The following SHANK2 variants were observed in gnomAD, a reference collection of about 807,000 sequenced individuals.
SHANK2 encodes the protein SH3 and multiple ankyrin repeat domains protein 2.
In SHANK2, 43 loss-of-function variants were observed where a neutral mutation model predicts 133.7. The ratio of observed to expected loss-of-function variants is 0.32; its 90% CI spans 0.25 to 0.41. SHANK2 has a LOEUF of 0.41. Among genes scored for constraint, SHANK2 ranks in the 10% least tolerant of loss-of-function variants. SHANK2 has a pLI of 1.00. For missense variants in SHANK2, 1,994 were observed against 2,235.8 expected (o/e 0.89, Z 2.18); for synonymous variants, 1,017 against 952.8 (o/e 1.07, Z -1.24).
Position 70,804,997 on chromosome 11 carries a change from G to A in SHANK2, c.1663+2005C>T, listed in dbSNP as rs1948129245. On this transcript the variant is annotated intron_variant, in intron 13 of 25. Transcript: ENST00000601538. This position sits in a 1 kb window ranked among gnomAD's most constrained non-coding sequence, Gnocchi z 4.1. Reference sequence around the variant, plus strand: ...CTAAGGGACTGGGGACATGTGCCAAGTTCACAGCATGGGAGCCTGTCTGCA... The same window carrying A: ...CTAAGGGACTGGGGACATGTGCCAAATTCACAGCATGGGAGCCTGTCTGCA... Among the ~76,000 whole-genome samples, 1 of 152,204 alleles carries A rather than the reference G, an allele frequency of 6.6e-6. No individual in the cohort carries two copies. Among genetic ancestry groups the A allele is most frequent in the African/African-American group, 2.4e-5 (1 of 41,452 alleles).
chr11:70,671,420 G>A (rs1591731778), intron 15 of SHANK2, among the ~76,000 whole-genome samples: 1 of 152,186 alleles, frequency 6.6e-6, no homozygotes, highest in East Asian at 1.9e-4. Flanking sequence ...GACGACTACA[G>A]ATGTCAACCA....
chr11:71,109,235 T>C (rs1182666879), intron 6 of SHANK2, among the ~76,000 whole-genome samples: 1 of 152,098 alleles, frequency 6.6e-6, no homozygotes, highest in African/African-American at 2.4e-5. Flanking sequence ...ACCTAACCTC[T>C]GCCTGCCAAC....
chr11:70,724,215 T>C lies in SHANK2; in HGVS notation c.1778-25452A>G, dbSNP rs190159428. Among the ~76,000 whole-genome samples, 187 of 152,202 alleles carry C rather than the reference T, an allele frequency of 1.2e-3. 1 individual carries two copies. Among genetic ancestry groups the C allele is most frequent in the Non-Finnish European group, 2.0e-3 (134 of 67,994 alleles). On this transcript the variant is annotated intron_variant, in intron 14 of 25. Coordinates refer to ENST00000601538, the MANE Select transcript of SHANK2 (RefSeq NM_012309.5). ...CACTCCCAGCTAATTTTTGTATTTT[T>C]AGTAGAGACAGGGTTTCACCATGTT...
chr11:71,108,034 C>G (rs1555098270), intron 6 of SHANK2, among the ~76,000 whole-genome samples: 1 of 152,216 alleles, frequency 6.6e-6, no homozygotes, highest in East Asian at 1.9e-4. Flanking sequence ...GTGGCTCTGC[C>G]AGGGTGGTGA....
chr11:70,644,423 T>C (rs1555007511), intron 17 of SHANK2, among the ~76,000 whole-genome samples: 2 of 152,144 alleles, frequency 1.3e-5, no homozygotes, highest in African/African-American at 4.8e-5. Context: ...AGCGGAATCA[T>C]ACAGTTCAAA....
intron 9 of SHANK2, among the ~76,000 whole-genome samples, chr11:71,065,992 G>GGGGT (rs1951051725): frequency 6.3e-5 from 3 of 47,570 alleles, no homozygotes; most frequent in Non-Finnish European, 8.6e-5. Context: ...GTTGGGAGGG[G>GGGGT]AGTACAGAAC....
intron 11 of SHANK2, among the ~76,000 whole-genome samples, chr11:70,861,176 C>T (rs1161405225): frequency 6.6e-6 from 1 of 152,216 alleles, no homozygotes; most frequent in African/African-American, 2.4e-5. Flanking sequence ...GGTTTTAACC[C>T]TGCAGTTGGA....
chr11:70,950,764 T>G (rs1029320870), intron 10 of SHANK2, among the ~76,000 whole-genome samples: 3 of 151,850 alleles, frequency 2.0e-5, no homozygotes, highest in East Asian at 3.9e-4. Flanking sequence ...CATGCCACCA[T>G]GCCCAGCTAA....
At chr11:70,921,813 C>T (rs1055801909) in intron 10 of SHANK2, among the ~76,000 whole-genome samples, 21 of 152,200 alleles carry the variant, frequency 1.4e-4, no homozygotes, top group Non-Finnish European at 2.9e-4. Flanking sequence ...TGATAATCCT[C>T]TCTGAAAGAA....
rs182137825 is a variant in SHANK2 at position 71,245,634 on chromosome 11, G to A, written c.-113+6791C>T. ...CTTCTGCACGGTGGAGTGGGCAGCC[G>A]CCAGGTGTGGATCCCAGCTGGGCCA... On this transcript the variant is annotated intron_variant, in intron 1 of 25. Transcript: ENST00000601538. Among the ~76,000 whole-genome samples the A allele has an allele frequency of 8.7e-4, 133 of 152,306 alleles. 1 individual carries two copies. The highest frequency in any genetic ancestry group is 2.4e-3 in the Admixed American group (37 of 15,306).
At chr11:71,085,141 T>C (rs924452402) in intron 8 of SHANK2, among the ~76,000 whole-genome samples, 14 of 152,168 alleles carry the variant, frequency 9.2e-5, no homozygotes, top group Non-Finnish European at 1.5e-4. Context: ...GTTTTAATGA[T>C]ATCAGTGACA....
intron 10 of SHANK2, among the ~76,000 whole-genome samples, chr11:70,940,669 C>G (rs928495809): frequency 1.3e-5 from 2 of 152,116 alleles, no homozygotes; most frequent in African/African-American, 4.8e-5. Flanking sequence ...ATTATAACTG[C>G]CATAAACCAT....
chr11:71,105,789 G>A (rs1229044735), intron 6 of SHANK2, among the ~76,000 whole-genome samples: 1 of 151,900 alleles, frequency 6.6e-6, no homozygotes. Flanking sequence ...GAGGATCACT[G>A]TTGGGTACAA....
chr11:70,590,929 C>T (rs1554987907), intron 17 of SHANK2, among the ~76,000 whole-genome samples: 1 of 152,230 alleles, frequency 6.6e-6, no homozygotes, highest in Non-Finnish European at 1.5e-5. Context: ...CCAAGGCTTT[C>T]ATGCCTGGCA....
At chr11:70,860,663 C>T (rs1949244432) in intron 11 of SHANK2, among the ~76,000 whole-genome samples, 1 of 152,178 alleles carries the variant, frequency 6.6e-6, no homozygotes, top group Non-Finnish European at 1.5e-5. Context: ...TGTCCTTTGA[C>T]CTCTCAAAGT....
chr11:70,673,478 G>T (rs1463625198), intron 15 of SHANK2, among the ~76,000 whole-genome samples: 1 of 152,232 alleles, frequency 6.6e-6, no homozygotes, highest in Non-Finnish European at 1.5e-5. Context: ...GGCCACAGGG[G>T]TCTCCTTGTG....
chr11:70,556,450 C>G (rs887292911), intron 17 of SHANK2, among the ~76,000 whole-genome samples: 1 of 151,638 alleles, frequency 6.6e-6, no homozygotes. Context: ...TTGTCTTGCT[C>G]TGTTGCCCAG....
chr11:70,586,473 C>T (rs2060254175), intron 17 of SHANK2, among the ~76,000 whole-genome samples: 1 of 152,050 alleles, frequency 6.6e-6, no homozygotes, highest in Non-Finnish European at 1.5e-5. Context: ...AAGGAGGGCC[C>T]CAAGGTGCTG....
At chr11:70,598,047 C>A (rs782666315) in intron 17 of SHANK2, among the ~76,000 whole-genome samples, 1 of 152,206 alleles carries the variant, frequency 6.6e-6, no homozygotes, top group Non-Finnish European at 1.5e-5. Flanking sequence ...CAATGCTGTC[C>A]GCTAACTGCC....
Sources: gnomAD v4.1 joint callset for allele counts (sites outside exome capture counted in the v4.1 genomes callset) on GRCh38, gnomAD v4.1.1 for gene constraint, Gnocchi (gnomAD v3.1) non-coding constraint, MANE v1.5 for transcripts, NCBI Gene and HGNC (gene_info 2026-07-23, HGNC 2026-07-21) for gene names.